Variants in GPC3 observed in about 807,000 individuals in gnomAD.
The protein encoded by GPC3 is glypican-3.
GPC3 carries 3 observed loss-of-function variants against 34.4 expected under a neutral mutation model. That is an observed-to-expected ratio of 0.09 (90% CI 0.04 to 0.23). The LOEUF (loss-of-function observed/expected upper bound fraction) is 0.23. Among genes scored for constraint, GPC3 ranks in the 10% least tolerant of loss-of-function variants. The pLI is 1.00. For synonymous variants in GPC3, 177 were observed against 174.0 expected, an observed-to-expected ratio of 1.02 and a Z score of -0.13; for missense variants, 351 against 445.6, an observed-to-expected ratio of 0.79 and a Z score of 1.91.
At chrX:133,661,596 CT>C in intron 6 of GPC3, 133 bp downstream of exon 6, 1 of 23,219 alleles carries the variant, frequency 4.3e-5, no homozygotes, top group Non-Finnish European at 7.6e-5. Flanking sequence ...CTCTCTCTCT[CT>C]CTCTCTCTCT....
At chrX:133,555,939 T>TTGG (rs2069484950) in intron 7 of GPC3, among the ~76,000 whole-genome samples, 1 of 111,834 alleles carries the variant, frequency 8.9e-6, no homozygotes, top group Admixed American at 9.5e-5. Flanking sequence ...TTTCAGTAAA[T>TTGG]GCTTCTACTG....
At chrX:133,733,484 T>C (rs1469952003) in intron 3 of GPC3, among the ~76,000 whole-genome samples, 2 of 110,835 alleles carry the variant, frequency 1.8e-5, no homozygotes, top group African/African-American at 3.3e-5. Context: ...CTGAAGACAC[T>C]AGAAAGAAGA....
At position 133,657,084 on chromosome X, in the gene GPC3, C is replaced by T. The variant is rs146348155; in HGVS notation, c.1413+4646G>A. On this transcript the variant is annotated intron_variant, in intron 6 of 7. Transcript: ENST00000370818. ...AACTTTGAATGAAAAGCTCTGACACCAAGTGGGCAGGTATTGACTACTCTG... is the reference window on the plus strand; with the variant it reads ...AACTTTGAATGAAAAGCTCTGACACTAAGTGGGCAGGTATTGACTACTCTG... Among the ~76,000 whole-genome samples the T allele has an allele frequency of 2.0e-3, 224 of 111,942 alleles. 1 individual carries two copies. The highest frequency in any genetic ancestry group is 7.0e-3 in the African/African-American group (215 of 30,861).
At chrX:133,649,647 G>A (rs1306232023) in intron 6 of GPC3, among the ~76,000 whole-genome samples, 1 of 111,713 alleles carries the variant, frequency 9.0e-6, no homozygotes, top group African/African-American at 3.2e-5. Context: ...ACTGGGTTCT[G>A]GTCTGGAGAT....
intron 2 of GPC3, among the ~76,000 whole-genome samples, chrX:133,897,204 C>A (rs890164770): frequency 7.2e-5 from 7 of 97,060 alleles, no homozygotes; most frequent in African/African-American, 2.4e-4. Flanking sequence ...CCGTGCCCGG[C>A]CTTTTTTTTT....
At chrX:133,896,156 G>A in intron 2 of GPC3, among the ~76,000 whole-genome samples, 2 of 111,561 alleles carry the variant, frequency 1.8e-5, no homozygotes, top group South Asian at 7.5e-4. Context: ...GAGATCAGGA[G>A]TTCGAGACCA....
At chrX:133,958,794 G>A (rs376859327) in intron 1 of GPC3, among the ~76,000 whole-genome samples, 1 of 104,321 alleles carries the variant, frequency 9.6e-6, no homozygotes, top group Admixed American at 1.0e-4. Flanking sequence ...GTTGAGGCAC[G>A]AGAATCGCTT....
intron 2 of GPC3, among the ~76,000 whole-genome samples, chrX:133,796,046 C>T (rs972651794): frequency 1.7e-4 from 18 of 105,517 alleles, no homozygotes; most frequent in Middle Eastern, 4.9e-3. Context: ...CCCGGGTTCA[C>T]GCCATTCTCC....
chrX:133,946,013 C>G (rs1469988619), intron 2 of GPC3, among the ~76,000 whole-genome samples: 1 of 111,895 alleles, frequency 8.9e-6, no homozygotes, highest in Non-Finnish European at 1.9e-5. Context: ...ATGCCTTGCA[C>G]CCAAGTTATT....
At chrX:133,922,361 T>G (rs768438273) in intron 2 of GPC3, among the ~76,000 whole-genome samples, 9 of 111,780 alleles carry the variant, frequency 8.1e-5, no homozygotes, top group African/African-American at 2.6e-4. Context: ...TGGTCCCACC[T>G]TACAAAGGAG....
intron 2 of GPC3, among the ~76,000 whole-genome samples, chrX:133,780,429 A>G (rs755523459): frequency 9.0e-5 from 10 of 111,363 alleles, no homozygotes; most frequent in Non-Finnish European, 1.5e-4. Flanking sequence ...TAGAGGGCCT[A>G]GCCATTCCTC....
intron 3 of GPC3, among the ~76,000 whole-genome samples, chrX:133,739,951 A>C (rs186536713): frequency 8.9e-6 from 1 of 112,145 alleles, no homozygotes. Flanking sequence ...TTTTCACTGC[A>C]TCACACAACC....
intron 2 of GPC3, among the ~76,000 whole-genome samples, chrX:133,804,062 T>C (rs73567016): frequency 0.11 from 11,731 of 107,657 alleles, 1,192 homozygotes; most frequent in African/African-American, 0.32. Context: ...ACAAATCAAA[T>C]CCAGAAGATT....
intron 2 of GPC3, among the ~76,000 whole-genome samples, chrX:133,760,125 CACTA>C (rs2071772808): frequency 8.9e-6 from 1 of 112,031 alleles, no homozygotes; most frequent in South Asian, 3.7e-4. Context: ...AAATTCATAA[CACTA>C]ACAACAAATG....
chrX:133,816,991 A>G (rs1178602117), intron 2 of GPC3, among the ~76,000 whole-genome samples: 1 of 112,143 alleles, frequency 8.9e-6, no homozygotes, highest in Non-Finnish European at 1.9e-5. Flanking sequence ...TCTTGCCTTC[A>G]GTTTTCCATT....
chrX:133,712,623 T>TAA (rs1159872669), intron 3 of GPC3, among the ~76,000 whole-genome samples: 1 of 111,003 alleles, frequency 9.0e-6, no homozygotes, highest in Non-Finnish European at 1.9e-5. Flanking sequence ...CTCACACTTG[T>TAA]AATTCTAGCA....
intron 2 of GPC3, among the ~76,000 whole-genome samples, chrX:133,918,175 CTTT>C (rs1347993229): frequency 1.8e-5 from 2 of 112,272 alleles, no homozygotes; most frequent in Admixed American, 9.5e-5. Context: ...TGGTTTTATT[CTTT>C]TATGACTACT....
chrX:133,786,461 CA>C (rs2072102432), intron 2 of GPC3, among the ~76,000 whole-genome samples: 1 of 112,697 alleles, frequency 8.9e-6, no homozygotes, highest in African/African-American at 3.2e-5. Flanking sequence ...CTGAGACAGC[CA>C]AATGCCTAGG....
chrX:133,768,656 C>G (rs770654835), intron 2 of GPC3, among the ~76,000 whole-genome samples: 2 of 111,891 alleles, frequency 1.8e-5, no homozygotes, highest in Non-Finnish European at 3.8e-5. Flanking sequence ...GAAAATGTTA[C>G]AGCTGGGCGC....
Sources: allele counts gnomAD v4.1 joint callset (sites outside exome capture counted in the v4.1 genomes callset), GRCh38; gene constraint gnomAD v4.1.1; transcripts MANE v1.5; gene names NCBI Gene and HGNC (gene_info 2026-07-23, HGNC 2026-07-21).